The following MAP3K21 variants were observed in gnomAD, a reference collection of about 807,000 sequenced individuals.
MAP3K21 encodes the protein mitogen-activated protein kinase kinase kinase 21.
A neutral mutation model predicts 86.1 loss-of-function variants in MAP3K21; 63 were observed. The observed-to-expected ratio is 0.73, with a 90% confidence interval of 0.60 to 0.90. The LOEUF is 0.90. MAP3K21 is among the 40% of genes least tolerant of loss of function. MAP3K21 has a pLI of 0.00. For synonymous variants in MAP3K21, 558 were observed against 564.8 expected (o/e 0.99, Z 0.17); for missense variants, 1,220 against 1,367.7 (o/e 0.89, Z 1.70).
chr1:233,360,243 C>G (rs1663441564), intron 4 of MAP3K21, among the ~76,000 whole-genome samples: 1 of 152,036 alleles, frequency 6.6e-6, no homozygotes, highest in Non-Finnish European at 1.5e-5. Context: ...GTAAAATGTC[C>G]AATTTGGACA....
chr1:233,350,387 G>A (rs1189415858), intron 2 of MAP3K21, among the ~76,000 whole-genome samples: 1 of 152,040 alleles, frequency 6.6e-6, no homozygotes, highest in African/African-American at 2.4e-5. Context: ...CATATCTCCG[G>A]AACCCATTCA....
intron 4 of MAP3K21, among the ~76,000 whole-genome samples, chr1:233,358,079 T>G (rs1430519405): frequency 2.0e-5 from 3 of 151,752 alleles, no homozygotes; most frequent in African/African-American, 7.3e-5. Context: ...TTTTTATACT[T>G]TAAGTTCTAG....
chr1:233,375,201 C>T (rs539425428), intron 6 of MAP3K21, among the ~76,000 whole-genome samples: 1 of 152,124 alleles, frequency 6.6e-6, no homozygotes, highest in East Asian at 1.9e-4. Context: ...CTCGGCCTCC[C>T]AAACTGCTGG....
intron 1 of MAP3K21, among the ~76,000 whole-genome samples, chr1:233,341,499 G>A (rs970314520): frequency 1.3e-5 from 2 of 152,132 alleles, no homozygotes; most frequent in African/African-American, 4.8e-5. Flanking sequence ...CCGTGAGCCT[G>A]CAGTGTGGAG....
chr1:233,375,875 A>T, intron 6 of MAP3K21, 41 bp from the exon 7 acceptor site: 1 of 1,532,568 alleles, frequency 6.5e-7, no homozygotes, highest in Non-Finnish European at 9.0e-7. Context: ...ATTGGTTAAT[A>T]TGATTGTTGT....
At chr1:233,364,933 A>G (rs1374230322) in intron 5 of MAP3K21, among the ~76,000 whole-genome samples, 1 of 152,172 alleles carries the variant, frequency 6.6e-6, no homozygotes, top group Middle Eastern at 3.2e-3. Context: ...TAATACTGGT[A>G]CCAATATGGA....
chr1:233,358,455 C>T (rs1266887637), intron 4 of MAP3K21, among the ~76,000 whole-genome samples: 1 of 138,028 alleles, frequency 7.2e-6, no homozygotes, highest in Non-Finnish European at 1.5e-5. Flanking sequence ...TAAAATGATA[C>T]AGGAAAGACT....
rs1196713541 is a variant in MAP3K21, at chr1:233,354,998, G to C, written c.1298G>C (p.Arg433Thr). 1.2e-6 allele frequency: 2 copies of C among 1,610,564 alleles called. No homozygotes were observed. The highest frequency in any genetic ancestry group is 4.5e-5 in the East Asian group (2 of 44,820). ...LEIQQMFDEL[R>T]TKEKELRSRE... The stretch of plus-strand genomic sequence containing the variant: ...ATTCAACAAATGTTTGATGAGTTGA[G>C]AACAAAGGAAAAGGTGAGAGAAATT... Residue 433 changes from arginine (R) to threonine (T), a missense_variant, in exon 4 of 10, where the codon AGA becomes ACA. Physicochemically the swap from Arg to Thr is moderately conservative, Grantham distance 71 (BLOSUM62 -1). Around this residue, in one of 5 missense-constraint regions of MAP3K21, gnomAD observed 126 missense variants for 127.7 expected, o/e 0.99. Coordinates refer to ENST00000366624, the MANE Select transcript of MAP3K21 (RefSeq NM_032435.3).
intron 8 of MAP3K21, among the ~76,000 whole-genome samples, chr1:233,377,264 C>T (rs1663818082): frequency 6.6e-6 from 1 of 152,262 alleles, no homozygotes; most frequent in South Asian, 2.1e-4. Flanking sequence ...CGTTGAAAAA[C>T]TTCAAGCACG....
chr1:233,355,115 A>G (rs1663326907), intron 4 of MAP3K21, 104 bp downstream of exon 4: 1 of 834,966 alleles, frequency 1.2e-6, no homozygotes, highest in African/African-American at 1.7e-5. Context: ...ATCTTTAGAT[A>G]TCAATATTTG....
In MAP3K21 at chr1:233,376,547, T is replaced by C. The variant is rs1226232174; in HGVS notation, c.1924+20T>C. 4.5e-6 allele frequency: 7 copies of C among 1,565,986 alleles called. No homozygotes were observed. The highest frequency in any genetic ancestry group is 1.7e-5 in the Admixed American group (1 of 58,578). Reference sequence around the variant, plus strand: ...AGCCAGGTAAATGTGTTTCAGGAGGTAGGATTTGCTTGAGCAGTCCTTGGC... The same window carrying C: ...AGCCAGGTAAATGTGTTTCAGGAGGCAGGATTTGCTTGAGCAGTCCTTGGC... On this transcript the variant is annotated intron_variant, in intron 8 of 9. Coordinates refer to ENST00000366624, the MANE Select transcript of MAP3K21 (RefSeq NM_032435.3).
intron 6 of MAP3K21, among the ~76,000 whole-genome samples, chr1:233,375,166 A>T (rs1000217522): frequency 3.9e-5 from 6 of 151,996 alleles, no homozygotes. Flanking sequence ...CTGGTCTCGA[A>T]GTCCTGACCT....
intron 1 of MAP3K21, among the ~76,000 whole-genome samples, chr1:233,337,932 G>A (rs1662948167): frequency 6.6e-6 from 1 of 152,194 alleles, no homozygotes; most frequent in African/African-American, 2.4e-5. Flanking sequence ...GTGATTTTAA[G>A]TGGTTTATTT....
At chr1:233,339,486 CT>C (rs746238626) in intron 1 of MAP3K21, among the ~76,000 whole-genome samples, 57 of 85,174 alleles carry the variant, frequency 6.7e-4, no homozygotes, top group Non-Finnish European at 5.2e-4. Context: ...TCTTCTTCTT[CT>C]TTTTTTTTTT....
At chr1:233,343,154 T>A (rs112341381) in intron 1 of MAP3K21, among the ~76,000 whole-genome samples, 2,071 of 152,302 alleles carry the variant, frequency 0.014, 49 homozygotes, top group African/African-American at 0.047. Context: ...ATTATAAATG[T>A]TTGACAATGT....
At chr1:233,350,071 A>G (rs2102765107) in intron 2 of MAP3K21, among the ~76,000 whole-genome samples, 1 of 152,182 alleles carries the variant, frequency 6.6e-6, no homozygotes, top group Non-Finnish European at 1.5e-5. Flanking sequence ...CCCCTCTTCT[A>G]ATTAGCTCAA....
chr1:233,379,542 G>A lies in MAP3K21; in HGVS notation c.2536G>A (p.Gly846Ser). 6.2e-7 allele frequency: 1 copy of A among 1,614,192 alleles called. No individual in the cohort carries two copies. The highest frequency in any genetic ancestry group is 8.5e-7 in the Non-Finnish European group (1 of 1,180,038). The change falls in exon 9 of 10, where the codon GGT becomes AGT. Residue 846 changes from glycine to serine, a missense_variant. Gly to Ser is a moderately conservative substitution (Grantham distance 56, BLOSUM62 0). Around this residue, in one of 5 missense-constraint regions of MAP3K21, gnomAD observed 632 missense variants for 691.3 expected, o/e 0.91. Transcript: ENST00000366624. ...PDFCPTAPGS[G>S]REPALMPRLD... is the part of the protein sequence containing the mutation. ...TTTTTGTCCCACTGCCCCAGGAAGT[G>A]GTCGTGAGCCAGCCCTCATGCCAAG...
rs1204055433 is a variant in MAP3K21 at position 233,379,621 on chromosome 1, A to G, written c.2615A>G (p.Gln872Arg). The G allele has an allele frequency of 5.0e-6, 8 of 1,613,832 alleles. No individual in the cohort carries two copies. The Admixed American group carries it at 1.3e-4, about 27-fold the overall frequency. Residue 872 changes from glutamine to arginine, a missense_variant, in exon 9 of 10, where the codon CAG (glutamine) becomes CGG (arginine). Physicochemically the swap from Gln to Arg is conservative, Grantham distance 43. This residue lies in a region of MAP3K21 where 632 missense variants were observed against 691.3 expected (regional missense o/e 0.91). Transcript: ENST00000366624. ...AACTTGCCGTCTTCCTTCCTACAGC[A>G]GACATGTGGGAATGTACCTTACTGT... ...SRNLPSSFLQ[Q>R]TCGNVPYCAS...
chr1:233,329,666 A>G (rs2102755721), intron 1 of MAP3K21, among the ~76,000 whole-genome samples: 1 of 152,192 alleles, frequency 6.6e-6, no homozygotes, highest in East Asian at 1.9e-4. Flanking sequence ...AAAAAAAAAA[A>G]GTGTCTCTAC....
Sources: allele counts gnomAD v4.1 joint callset (sites outside exome capture counted in the v4.1 genomes callset), GRCh38; gene constraint gnomAD v4.1.1; regional missense constraint gnomAD v4.1.1; transcripts MANE v1.5; gene names NCBI Gene and HGNC (gene_info 2026-07-23, HGNC 2026-07-21).